Variants in TDRD3 observed in about 807,000 individuals in gnomAD.
TDRD3 encodes tudor domain containing 3, also known as tudor domain-containing protein 3.
TDRD3 carries 45 observed loss-of-function variants against 86.7 expected under a neutral mutation model. The ratio of observed to expected loss-of-function variants is 0.52; its 90% CI spans 0.41 to 0.67. TDRD3 has a LOEUF of 0.67. Ranked by LOEUF, TDRD3 falls within the 30% of genes least tolerant of loss-of-function variation. The pLI, the probability that TDRD3 is intolerant of heterozygous loss-of-function variation, is 0.00. For missense variants in TDRD3, 814 were observed against 889.0 expected, an observed-to-expected ratio of 0.92 and a Z score of 1.07; for synonymous variants, 298 against 301.7, an observed-to-expected ratio of 0.99 and a Z score of 0.13.
intron 13 of TDRD3, among the ~76,000 whole-genome samples, chr13:60,572,649 T>C (rs1351599505): frequency 6.6e-6 from 1 of 152,172 alleles, no homozygotes; most frequent in Non-Finnish European, 1.5e-5. Flanking sequence ...GAACTTCCAG[T>C]TTCTTCTTTG....
intron 5 of TDRD3, among the ~76,000 whole-genome samples, chr13:60,480,012 T>C (rs190900416): frequency 2.2e-3 from 338 of 152,326 alleles, no homozygotes; most frequent in Admixed American, 3.9e-3. Context: ...GGGTCAATAT[T>C]GATATGTTAG....
chr13:60,397,746 G>T (rs1161666833), intron 1 of TDRD3, among the ~76,000 whole-genome samples: 1 of 151,546 alleles, frequency 6.6e-6, no homozygotes, highest in Non-Finnish European at 1.5e-5. Flanking sequence ...AGGACCTGCA[G>T]CGCCGTCCGC....
chr13:60,537,016 T>A (rs2137824104), intron 12 of TDRD3: 1 of 152,204 alleles, frequency 6.6e-6, no homozygotes, highest in Admixed American at 6.5e-5. Context: ...CAGCAATACT[T>A]TCATATTCTT....
chr13:60,397,385 G>A lies in TDRD3; in HGVS notation c.21G>A (p.Ala7=), dbSNP rs527533275. Reference sequence around the variant, plus strand: ...CTACCATGGCCCAGGTGGCCGGCGCGGCGTTGTCCCAGGCGGGTTGGTAAG... The same window carrying A: ...CTACCATGGCCCAGGTGGCCGGCGCAGCGTTGTCCCAGGCGGGTTGGTAAG... MAQVAG[A]ALSQAGWYLS... The change falls in exon 1 of 14, where the codon GCG becomes GCA. Residue 7 remains alanine (A), a synonymous_variant. Transcript: ENST00000377881. 2.7e-6 allele frequency: 4 copies of A among 1,497,002 alleles called. No homozygotes were observed. Among genetic ancestry groups the A allele is most frequent in the Admixed American group, 2.1e-5 (1 of 48,266 alleles). 92.7% of individuals were successfully genotyped at this position (1,497,002 alleles called of 1,614,324 possible).
chr13:60,569,264 C>T (rs1335462191), intron 13 of TDRD3, among the ~76,000 whole-genome samples: 4 of 152,160 alleles, frequency 2.6e-5, no homozygotes, highest in African/African-American at 9.7e-5. Context: ...AGCCACTGCA[C>T]CCAGCCTCAA....
At chr13:60,454,833 A>G (rs1955628937) in intron 3 of TDRD3, among the ~76,000 whole-genome samples, 1 of 151,856 alleles carries the variant, frequency 6.6e-6, no homozygotes, top group South Asian at 2.1e-4. Context: ...GTCTGATACC[A>G]TACGTAGAAT....
intron 12 of TDRD3, among the ~76,000 whole-genome samples, chr13:60,540,012 G>GT (rs781582892): frequency 6.6e-6 from 1 of 152,096 alleles, no homozygotes; most frequent in South Asian, 2.1e-4. Flanking sequence ...TAACAGTGTG[G>GT]TTTTGCCAAT....
intron 10 of TDRD3, among the ~76,000 whole-genome samples, chr13:60,522,057 A>G (rs550602542): frequency 1.3e-5 from 2 of 152,230 alleles, no homozygotes; most frequent in Admixed American, 6.5e-5. Flanking sequence ...CTTTTTAAAT[A>G]TTTCTTAGCA....
rs192700548 is a variant in TDRD3 at position 60,530,423 on chromosome 13, A to C, written c.1992+1206A>C. 8.8e-3 allele frequency among the ~76,000 whole-genome samples: 1,332 copies of C among 151,104 alleles called. 12 individuals carry two copies. The highest frequency in any genetic ancestry group is 0.014 in the Non-Finnish European group (965 of 67,604). On this transcript the variant is annotated intron_variant, in intron 11 of 13. Coordinates refer to ENST00000377881, the MANE Select transcript of TDRD3 (RefSeq NM_001146070.2). ...TCTGGGAGGATGTGAGAAGCAACTC[A>C]AAAGAGGAAAAATATTTTAAATAAT...
At chr13:60,421,941 T>C (rs2137874390) in intron 1 of TDRD3, among the ~76,000 whole-genome samples, 1 of 152,242 alleles carries the variant, frequency 6.6e-6, no homozygotes, top group Non-Finnish European at 1.5e-5. Context: ...TAGGAAGATA[T>C]TTCAAAGTAA....
intron 5 of TDRD3, among the ~76,000 whole-genome samples, chr13:60,474,907 A>T (rs905995011): frequency 1.3e-5 from 2 of 150,396 alleles, no homozygotes; most frequent in African/African-American, 4.9e-5. Flanking sequence ...TTTACTTTTT[A>T]AGGATATTTT....
At chr13:60,401,114 A>G (rs1048423532) in intron 1 of TDRD3, among the ~76,000 whole-genome samples, 12 of 152,200 alleles carry the variant, frequency 7.9e-5, no homozygotes, top group African/African-American at 2.9e-4. Flanking sequence ...CTAATTGTGT[A>G]CTAGGCTTAT....
At chr13:60,486,304 T>A (rs2047225) in intron 7 of TDRD3, among the ~76,000 whole-genome samples, 20,764 of 152,136 alleles carry the variant, frequency 0.14, 1,492 homozygotes, top group East Asian at 0.2. Context: ...TGGGGATAAT[T>A]TCCCCTTATT....
At chr13:60,463,993 A>C (rs1319237219) in intron 4 of TDRD3, among the ~76,000 whole-genome samples, 3 of 152,070 alleles carry the variant, frequency 2.0e-5, no homozygotes. Flanking sequence ...TGAGTTCTTT[A>C]TTACTTCCTG....
intron 12 of TDRD3, among the ~76,000 whole-genome samples, chr13:60,562,818 T>A (rs1001110713): frequency 1.3e-5 from 2 of 152,208 alleles, no homozygotes; most frequent in Non-Finnish European, 2.9e-5. Flanking sequence ...GTTTTTATTT[T>A]TTTTTTCATT....
At chr13:60,464,373 A>C (rs75774681) in intron 4 of TDRD3, among the ~76,000 whole-genome samples, 1 of 152,082 alleles carries the variant, frequency 6.6e-6, no homozygotes, top group Non-Finnish European at 1.5e-5. Context: ...AAATAGAAAT[A>C]CCATATGATA....
intron 7 of TDRD3, among the ~76,000 whole-genome samples, chr13:60,493,882 A>C (rs1356387203): frequency 6.6e-6 from 1 of 152,258 alleles, no homozygotes; most frequent in Non-Finnish European, 1.5e-5. Context: ...GACAGGCCAA[A>C]TAAGAAATAC....
intron 4 of TDRD3, among the ~76,000 whole-genome samples, chr13:60,463,709 AATAGAC>A (rs1258008385): frequency 6.6e-6 from 1 of 152,214 alleles, no homozygotes; most frequent in Non-Finnish European, 1.5e-5. Flanking sequence ...AAAAGACCTG[AATAGAC>A]ATTTCTCAAA....
At chr13:60,460,161 A>G (rs1594959426) in intron 3 of TDRD3, among the ~76,000 whole-genome samples, 1 of 147,932 alleles carries the variant, frequency 6.8e-6, no homozygotes, top group Non-Finnish European at 1.5e-5. Flanking sequence ...TTATTAAAAC[A>G]AAATTGTTCT....
Sources: allele counts gnomAD v4.1 joint callset (sites outside exome capture counted in the v4.1 genomes callset), GRCh38; gene constraint gnomAD v4.1.1; transcripts MANE v1.5; gene names NCBI Gene and HGNC (gene_info 2026-07-23, HGNC 2026-07-21).